The following SGCD variants were observed in gnomAD, a reference collection of about 807,000 sequenced individuals.
The protein encoded by SGCD is delta-sarcoglycan.
SGCD carries 18 observed loss-of-function variants against 36.6 expected under a neutral mutation model. The observed-to-expected ratio is 0.49, with a 90% CI of 0.34 to 0.73. The LOEUF is 0.73. Ranked by LOEUF, SGCD falls within the 30% of genes least tolerant of loss-of-function variation. SGCD has a pLI of 0.01. For synonymous variants in SGCD, 133 were observed against 130.6 expected (o/e 1.02, Z -0.12); for missense variants, 387 against 346.7 (o/e 1.12, Z -0.92).
At chr5:155,882,212 C>T (rs1755901197) in intron 1 of SGCD, among the ~76,000 whole-genome samples, 1 of 151,904 alleles carries the variant, frequency 6.6e-6, no homozygotes, top group African/African-American at 2.4e-5. Context: ...CCAAGTGATC[C>T]TTGCAAGTAG....
intron 3 of SGCD, among the ~76,000 whole-genome samples, chr5:156,430,224 T>C (rs1773873314): frequency 6.6e-6 from 1 of 152,118 alleles, no homozygotes; most frequent in Non-Finnish European, 1.5e-5. Flanking sequence ...AACTCTTTTT[T>C]CTTTATCTGA....
chr5:155,936,974 G>A (rs1037247258), intron 1 of SGCD, among the ~76,000 whole-genome samples: 3 of 152,142 alleles, frequency 2.0e-5, no homozygotes, highest in Non-Finnish European at 4.4e-5. Flanking sequence ...CAGGAGCCCC[G>A]CCCTCACTCT....
chr5:156,667,440 AC>A (rs1753099652), intron 7 of SGCD, among the ~76,000 whole-genome samples: 1 of 152,086 alleles, frequency 6.6e-6, no homozygotes, highest in African/African-American at 2.4e-5. Context: ...TTCCCCACAC[AC>A]CCCAGCAATC....
At chr5:155,759,761 C>A in the SGCD span, among the ~76,000 whole-genome samples, 1 of 152,174 alleles carries the variant, frequency 6.6e-6, no homozygotes, top group South Asian at 2.1e-4. Flanking sequence ...TTTTCTTCTG[C>A]ATCCATTGGA....
At chr5:156,354,039 T>C (rs989671174) in intron 3 of SGCD, among the ~76,000 whole-genome samples, 9 of 147,888 alleles carry the variant, frequency 6.1e-5, no homozygotes, top group Middle Eastern at 3.6e-3. Context: ...GAGTATACTA[T>C]GCTTTGTGTA....
chr5:156,676,062 GATTT>G (rs1351688388), intron 7 of SGCD, among the ~76,000 whole-genome samples: 1 of 152,128 alleles, frequency 6.6e-6, no homozygotes, highest in African/African-American at 2.4e-5. Flanking sequence ...ACTCTAATGA[GATTT>G]ATTTAATTTA....
At chr5:156,646,726 G>A (rs974255060) in intron 6 of SGCD, among the ~76,000 whole-genome samples, 1 of 152,178 alleles carries the variant, frequency 6.6e-6, no homozygotes, top group Non-Finnish European at 1.5e-5. Flanking sequence ...GCAATTGTCT[G>A]TGAAAAACTG....
intron 3 of SGCD, among the ~76,000 whole-genome samples, chr5:156,199,569 GACTCCCT>G (rs1764094732): frequency 6.6e-6 from 1 of 152,090 alleles, no homozygotes; most frequent in Non-Finnish European, 1.5e-5. Flanking sequence ...GGCGTTTGGA[GACTCCCT>G]ACTCCAAGTC....
chr5:156,313,562 A>G (rs751814116), intron 3 of SGCD, among the ~76,000 whole-genome samples: 6 of 152,110 alleles, frequency 3.9e-5, no homozygotes, highest in Non-Finnish European at 8.8e-5. Context: ...TTCTAACCAC[A>G]AAACATTATA....
At chr5:155,810,587 A>G in the SGCD span, among the ~76,000 whole-genome samples, 1 of 152,052 alleles carries the variant, frequency 6.6e-6, no homozygotes, top group Non-Finnish European at 1.5e-5. Context: ...GTTACAACTA[A>G]CTTTCCTAAG....
chr5:155,752,551 C>A, the SGCD span, among the ~76,000 whole-genome samples: 1 of 152,130 alleles, frequency 6.6e-6, no homozygotes, highest in Non-Finnish European at 1.5e-5. Flanking sequence ...CTTTTGTTGC[C>A]CTTCCAGTTA....
intron 3 of SGCD, among the ~76,000 whole-genome samples, chr5:156,299,787 A>C (rs1767001716): frequency 6.6e-6 from 1 of 152,120 alleles, no homozygotes; most frequent in Admixed American, 6.6e-5. Context: ...TGTTGATTGT[A>C]TATCCTGTAA....
intron 4 of SGCD, among the ~76,000 whole-genome samples, chr5:156,578,631 G>A (rs1760090921): frequency 6.6e-6 from 1 of 152,084 alleles, no homozygotes; most frequent in Non-Finnish European, 1.5e-5. Flanking sequence ...CTTCTTCCTG[G>A]CTTAGTCTTG....
the SGCD span, among the ~76,000 whole-genome samples, chr5:155,782,168 G>A: frequency 0.26 from 39,927 of 151,518 alleles, 5,889 homozygotes; most frequent in Admixed American, 0.46. Context: ...GGGATTAGAG[G>A]CACCCACCAC....
chr5:156,373,653 T>C (rs764510926), intron 3 of SGCD, among the ~76,000 whole-genome samples: 2 of 152,194 alleles, frequency 1.3e-5, no homozygotes, highest in Non-Finnish European at 2.9e-5. Flanking sequence ...TTAATAATAA[T>C]GTTTAAAATT....
At chr5:156,050,191 C>A in intron 1 of SGCD, among the ~76,000 whole-genome samples, 1 of 146,388 alleles carries the variant, frequency 6.8e-6, no homozygotes, top group East Asian at 1.9e-4. Flanking sequence ...GAAGAACCAA[C>A]TGATGCTACA....
At chr5:156,472,463 T>G (rs55820495) in intron 3 of SGCD, among the ~76,000 whole-genome samples, 75,210 of 151,956 alleles carry the variant, frequency 0.49, 18,829 homozygotes, top group Middle Eastern at 0.71. Flanking sequence ...TGTAACCCAG[T>G]CTGGAGTGCA....
At chr5:156,077,595 G>T (rs1314687575) in intron 1 of SGCD, among the ~76,000 whole-genome samples, 1 of 152,074 alleles carries the variant, frequency 6.6e-6, no homozygotes, top group Non-Finnish European at 1.5e-5. Context: ...GACTCATGGG[G>T]TATATCATAT....
the SGCD span, among the ~76,000 whole-genome samples, chr5:155,767,707 G>C: frequency 6.6e-6 from 1 of 152,072 alleles, no homozygotes; most frequent in Non-Finnish European, 1.5e-5. Context: ...AGGCTGTCCT[G>C]GTACACTGCC....
Sources: gnomAD v4.1 joint callset for allele counts (sites outside exome capture counted in the v4.1 genomes callset) on GRCh38, gnomAD v4.1.1 for gene constraint, MANE v1.5 for transcripts, NCBI Gene and HGNC (gene_info 2026-07-23, HGNC 2026-07-21) for gene names.